Variants in CDS1 observed in about 807,000 individuals in gnomAD.
The protein encoded by CDS1 is phosphatidate cytidylyltransferase 1.
CDS1 carries 41 observed loss-of-function variants against 62.1 expected under a neutral mutation model. That is an observed-to-expected ratio of 0.66 (90% CI 0.51 to 0.86). The LOEUF (loss-of-function observed/expected upper bound fraction) is 0.86. CDS1 is among the 40% of genes least tolerant of loss of function. The pLI is 0.00. For synonymous variants in CDS1, 185 were observed against 192.6 expected (o/e 0.96, Z 0.32); for missense variants, 470 against 550.1 (o/e 0.85, Z 1.46).
intron 1 of CDS1, among the ~76,000 whole-genome samples, chr4:84,584,231 A>T (rs1302469662): frequency 6.6e-6 from 1 of 152,206 alleles, no homozygotes; most frequent in African/African-American, 2.4e-5. Context: ...ATGCGATATT[A>T]CTATCTGTTT....
At chr4:84,607,055 G>C (rs2110049522) in intron 2 of CDS1, among the ~76,000 whole-genome samples, 1 of 152,286 alleles carries the variant, frequency 6.6e-6, no homozygotes, top group African/African-American at 2.4e-5. Flanking sequence ...GCTCTCATGA[G>C]AAGTTTATGT....
intron 3 of CDS1, among the ~76,000 whole-genome samples, chr4:84,612,439 C>T (rs1424285781): frequency 6.6e-6 from 1 of 152,054 alleles, no homozygotes; most frequent in Non-Finnish European, 1.5e-5. Context: ...TTTCTCCAAA[C>T]TGAACTGTTG....
In CDS1 at chr4:84,620,347, C is replaced by A. The variant is rs572261156; in HGVS notation, c.580+814C>A. ...ACGCCATACTCCTGCCTCAGCCTCCCGAGTAGCTGGGACTACAGGCCCCCG... is the reference window on the plus strand; with the variant it reads ...ACGCCATACTCCTGCCTCAGCCTCCAGAGTAGCTGGGACTACAGGCCCCCG... On this transcript the variant is annotated intron_variant, in intron 5 of 12. Coordinates refer to ENST00000295887, the MANE Select transcript of CDS1 (RefSeq NM_001263.4). 1.8e-3 allele frequency among the ~76,000 whole-genome samples: 271 copies of A among 151,184 alleles called. 1 individual carries two copies. Among genetic ancestry groups the A allele is most frequent in the Middle Eastern group, 3.4e-3 (1 of 292 alleles).
chr4:84,592,434 A>G (rs1386736394), intron 1 of CDS1, among the ~76,000 whole-genome samples: 4 of 152,114 alleles, frequency 2.6e-5, no homozygotes, highest in African/African-American at 4.8e-5. Context: ...TGGCCTCCCA[A>G]AGTGCTGGGA....
chr4:84,601,610 G>A (rs1238809558), intron 1 of CDS1, among the ~76,000 whole-genome samples: 1 of 152,034 alleles, frequency 6.6e-6, no homozygotes, highest in Non-Finnish European at 1.5e-5. Flanking sequence ...TTAGGTTCTT[G>A]TAAACATTTT....
At chr4:84,598,545 T>C (rs1722828075) in intron 1 of CDS1, among the ~76,000 whole-genome samples, 1 of 152,180 alleles carries the variant, frequency 6.6e-6, no homozygotes, top group South Asian at 2.1e-4. Context: ...TTTAATATAT[T>C]ATCCTTTGTT....
intron 10 of CDS1, among the ~76,000 whole-genome samples, chr4:84,642,460 A>G (rs915866587): frequency 1.3e-5 from 2 of 152,278 alleles, no homozygotes; most frequent in Non-Finnish European, 2.9e-5. Flanking sequence ...AAATAATTTG[A>G]CTACAAAATT....
rs988959691 is a variant in CDS1 at position 84,594,065 on chromosome 4, A to G, written c.118-10178A>G. ...CACATAGCTGGGTCAGCTCAGAGCTATTTTTCTTTTTTCACCTCAATCAAT... is the reference window on the plus strand; with the variant it reads ...CACATAGCTGGGTCAGCTCAGAGCTGTTTTTCTTTTTTCACCTCAATCAAT... On this transcript the variant is annotated intron_variant, in intron 1 of 12. Transcript: ENST00000295887. Among the ~76,000 whole-genome samples, 71 of 151,946 alleles carry G rather than the reference A, an allele frequency of 4.7e-4. 1 individual carries two copies. Among genetic ancestry groups the G allele is most frequent in the Non-Finnish European group, 7.4e-5 (5 of 67,994 alleles).
At chr4:84,639,120 A>C in intron 9 of CDS1, 128 bp downstream of exon 9, 1 of 353,774 alleles carries the variant, frequency 2.8e-6, no homozygotes, top group Non-Finnish European at 5.0e-6. Context: ...AACCTACTGA[A>C]AAGAACCAGT....
intron 2 of CDS1, among the ~76,000 whole-genome samples, chr4:84,606,050 G>A (rs1260180735): frequency 2.0e-5 from 3 of 151,902 alleles, no homozygotes; most frequent in Admixed American, 6.6e-5. Flanking sequence ...CAATCTTCTC[G>A]AGAAACTTTT....
At chr4:84,604,426 T>C in intron 2 of CDS1, 56 bp downstream of exon 2, 1 of 1,546,798 alleles carries the variant, frequency 6.5e-7, no homozygotes, top group Non-Finnish European at 8.7e-7. Flanking sequence ...TTTGAGGTTA[T>C]CCTTGTCCAT....
At chr4:84,607,409 A>G (rs2110049814) in intron 2 of CDS1, among the ~76,000 whole-genome samples, 1 of 150,736 alleles carries the variant, frequency 6.6e-6, no homozygotes, top group South Asian at 2.1e-4. Flanking sequence ...TCAGCCCCCA[A>G]CATGCCCCGC....
At chr4:84,606,604 CTTTAT>C (rs963921664) in intron 2 of CDS1, among the ~76,000 whole-genome samples, 11 of 152,056 alleles carry the variant, frequency 7.2e-5, no homozygotes, top group Non-Finnish European at 1.3e-4. Context: ...TTTGTAGTAA[CTTTAT>C]TTTAACATCC....
At chr4:84,613,247 G>A (rs373049516) in intron 3 of CDS1, among the ~76,000 whole-genome samples, 5 of 152,020 alleles carry the variant, frequency 3.3e-5, no homozygotes, top group Non-Finnish European at 7.4e-5. Flanking sequence ...AGGACATGTT[G>A]TATCTAGCTT....
intron 12 of CDS1, among the ~76,000 whole-genome samples, chr4:84,648,205 C>G (rs1724611164): frequency 6.6e-6 from 1 of 152,172 alleles, no homozygotes; most frequent in African/African-American, 2.4e-5. Context: ...TCACCAGGCT[C>G]CTTTCCTTAC....
chr4:84,618,066 C>A (rs745670593), intron 4 of CDS1, among the ~76,000 whole-genome samples: 3 of 151,994 alleles, frequency 2.0e-5, no homozygotes, highest in Non-Finnish European at 4.4e-5. Context: ...TGTATATATA[C>A]AAATGCACAT....
chr4:84,598,579 T>G (rs1722828317), intron 1 of CDS1, among the ~76,000 whole-genome samples: 1 of 152,170 alleles, frequency 6.6e-6, no homozygotes, highest in South Asian at 2.1e-4. Flanking sequence ...CTGCTTTACC[T>G]TCATTTGTTT....
intron 12 of CDS1, among the ~76,000 whole-genome samples, chr4:84,647,869 C>T (rs1387645126): frequency 6.6e-6 from 1 of 152,080 alleles, no homozygotes; most frequent in East Asian, 1.9e-4. Context: ...CATTATTTAC[C>T]CACATAAATG....
chr4:84,649,029 C>T lies in CDS1; in HGVS notation c.*343C>T, dbSNP rs1804654. The stretch of plus-strand genomic sequence containing the variant: ...AAGTTGACGATGTTTTAAGATTGCA[C>T]CTGGCAGTGTGCCTTTTTGCACAAA... On this transcript the variant is annotated 3_prime_UTR_variant, in exon 13 of 13. Transcript: ENST00000295887. The T allele has an allele frequency of 0.023, 3,987 of 172,562 alleles. 86 individuals carry two copies. The highest frequency in any genetic ancestry group is 0.028 in the Non-Finnish European group (2,250 of 81,676). 10.7% of individuals were successfully genotyped at this position (172,562 alleles called of 1,614,324 possible).
Sources: gnomAD v4.1 joint callset for allele counts (sites outside exome capture counted in the v4.1 genomes callset) on GRCh38, gnomAD v4.1.1 for gene constraint, MANE v1.5 for transcripts, NCBI Gene and HGNC (gene_info 2026-07-23, HGNC 2026-07-21) for gene names.